KCTD3: variants seen among roughly 807,000 people sequenced by gnomAD.
KCTD3 encodes the protein potassium channel tetramerization domain containing 3, also known as BTB/POZ domain-containing protein KCTD3.
Under a neutral mutation model 85.8 loss-of-function variants are expected in KCTD3, and 41 were observed. The observed-to-expected ratio is 0.48, with a 90% CI of 0.37 to 0.62. The LOEUF (loss-of-function observed/expected upper bound fraction) is 0.62. Ranked by LOEUF, KCTD3 falls within the 20% of genes least tolerant of loss-of-function variation. The pLI, the probability that KCTD3 is intolerant of heterozygous loss-of-function variation, is 0.00. For synonymous variants in KCTD3, 338 were observed against 345.4 expected (o/e 0.98, Z 0.24); for missense variants, 724 against 989.9 (o/e 0.73, Z 3.60).
At chr1:215,586,386 G>GTTTTTTTTT in intron 8 of KCTD3, 109 bp from the exon 9 acceptor site, 1 of 820,766 alleles carries the variant, frequency 1.2e-6, no homozygotes, top group Non-Finnish European at 1.9e-6. Flanking sequence ...TAACTGTTTA[G>GTTTTTTTTT]TTTTTTTTTT....
intron 15 of KCTD3, among the ~76,000 whole-genome samples, chr1:215,616,961 C>T (rs1214100611): frequency 6.6e-6 from 1 of 152,170 alleles, no homozygotes; most frequent in Non-Finnish European, 1.5e-5. Flanking sequence ...TCAGCCCCAC[C>T]CAGCAACCTT....
intron 15 of KCTD3, chr1:215,618,245 G>A: frequency 2.8e-6 from 1 of 360,970 alleles, no homozygotes; most frequent in Non-Finnish European, 6.0e-6. Flanking sequence ...CAAACCTTGA[G>A]CTCAAGAATG....
chr1:215,617,231 C>T (rs1571903168), intron 15 of KCTD3, among the ~76,000 whole-genome samples: 1 of 152,096 alleles, frequency 6.6e-6, no homozygotes, highest in Non-Finnish European at 1.5e-5. Flanking sequence ...TGCGAGCTTT[C>T]CTTTGAATTC....
chr1:215,584,405 T>C (rs1453160464), intron 8 of KCTD3, among the ~76,000 whole-genome samples: 1 of 152,246 alleles, frequency 6.6e-6, no homozygotes, highest in African/African-American at 2.4e-5. Flanking sequence ...TTAGTTCCTA[T>C]ATAGGCTCTT....
intron 6 of KCTD3, among the ~76,000 whole-genome samples, chr1:215,578,666 A>G (rs914629560): frequency 1.3e-5 from 2 of 152,198 alleles, no homozygotes; most frequent in Non-Finnish European, 2.9e-5. Context: ...AAATTATTAC[A>G]TAGTACCTAA....
chr1:215,588,203 A>G (rs1339635672), intron 9 of KCTD3, among the ~76,000 whole-genome samples: 1 of 152,098 alleles, frequency 6.6e-6, no homozygotes, highest in Admixed American at 6.5e-5. Context: ...GTACTTAATG[A>G]ACAGAGCAGC....
chr1:215,619,973 T>A, intron 17 of KCTD3, 84 bp from the exon 18 acceptor site: 1 of 940,922 alleles, frequency 1.1e-6, no homozygotes, highest in Non-Finnish European at 1.6e-6. Flanking sequence ...TTATATAGTG[T>A]GTTTTATTGG....
chr1:215,569,593 C>CTT (rs754210465), intron 1 of KCTD3, among the ~76,000 whole-genome samples: 140 of 130,512 alleles, frequency 1.1e-3, no homozygotes, highest in African/African-American at 3.0e-3. Flanking sequence ...GGCACTGTAA[C>CTT]TTTTTTTTTT....
chr1:215,572,970 T>G (rs749553653), intron 1 of KCTD3, among the ~76,000 whole-genome samples: 2 of 152,242 alleles, frequency 1.3e-5, no homozygotes, highest in Non-Finnish European at 2.9e-5. Context: ...GAACAAGTAC[T>G]ATATTGCTTT....
intron 9 of KCTD3, among the ~76,000 whole-genome samples, chr1:215,587,974 A>G (rs960746708): frequency 1.3e-5 from 2 of 152,220 alleles, no homozygotes; most frequent in African/African-American, 4.8e-5. Flanking sequence ...ATTCATTGGT[A>G]TCCCTGCTGA....
intron 10 of KCTD3, among the ~76,000 whole-genome samples, chr1:215,601,201 T>G (rs1463383238): frequency 6.6e-6 from 1 of 152,230 alleles, no homozygotes; most frequent in Non-Finnish European, 1.5e-5. Context: ...CAGGTTTCTT[T>G]TAGCACAAAT....
intron 1 of KCTD3, among the ~76,000 whole-genome samples, chr1:215,571,930 C>A (rs777398423): frequency 6.6e-6 from 1 of 152,108 alleles, no homozygotes; most frequent in Admixed American, 6.6e-5. Flanking sequence ...CGCGCCTAGC[C>A]GAGATAAACT....
intron 3 of KCTD3, among the ~76,000 whole-genome samples, chr1:215,574,670 T>TATATCC (rs1479368683): frequency 1.4e-4 from 21 of 152,174 alleles, no homozygotes; most frequent in African/African-American, 4.8e-4. Flanking sequence ...CAAATGCAGA[T>TATATCC]ATGTCCATGT....
intron 1 of KCTD3, among the ~76,000 whole-genome samples, chr1:215,570,465 C>G: frequency 6.6e-6 from 1 of 152,132 alleles, no homozygotes; most frequent in East Asian, 1.9e-4. Flanking sequence ...GGGCCTCATG[C>G]AAGAGGGCTG....
At chr1:215,603,198 T>G (rs1654898364) in intron 12 of KCTD3, among the ~76,000 whole-genome samples, 1 of 152,172 alleles carries the variant, frequency 6.6e-6, no homozygotes, top group African/African-American at 2.4e-5. Flanking sequence ...TGGGAAAGTT[T>G]TACAAATCAA....
intron 6 of KCTD3, among the ~76,000 whole-genome samples, chr1:215,578,747 C>T (rs898207643): frequency 2.6e-5 from 4 of 151,808 alleles, no homozygotes; most frequent in African/African-American, 7.3e-5. Context: ...AATTCAGTAA[C>T]CTAAAGCTTA....
In KCTD3 at chr1:215,619,264, A is replaced by C. The variant is rs1268053734; in HGVS notation, c.1859A>C (p.His620Pro). 1 of 1,613,720 alleles carries C rather than the reference A, an allele frequency of 6.2e-7. No individual in the cohort carries two copies. Among genetic ancestry groups the C allele is most frequent in the African/African-American group, 1.3e-5 (1 of 74,942 alleles). ...AGTCCAGCAACTTCCGTAGTTCAGC[A>C]TAGCCACTTACGAGAATCAAATTCT... Reference protein sequence around the residue: ...NISPATSVVQHSHLRESNSSL... With the variant: ...NISPATSVVQPSHLRESNSSL... The change falls in exon 17 of 18, where the codon CAT becomes CCT. Residue 620 changes from histidine to proline, a missense_variant. His to Pro is a moderately conservative substitution (Grantham distance 77, BLOSUM62 -2). Coordinates refer to ENST00000259154, the MANE Select transcript of KCTD3 (RefSeq NM_016121.5).
intron 8 of KCTD3, among the ~76,000 whole-genome samples, chr1:215,584,608 C>T (rs1659942020): frequency 6.6e-6 from 1 of 152,132 alleles, no homozygotes; most frequent in African/African-American, 2.4e-5. Context: ...TTACTTACCC[C>T]AGACAGGTCA....
At chr1:215,615,346 C>T (rs1462091922) in intron 15 of KCTD3, among the ~76,000 whole-genome samples, 1 of 152,006 alleles carries the variant, frequency 6.6e-6, no homozygotes, top group African/African-American at 2.4e-5. Flanking sequence ...CCCGGCCGGG[C>T]GTGGTGGCTC....
Sources: gnomAD v4.1 joint callset for allele counts (sites outside exome capture counted in the v4.1 genomes callset) on GRCh38, gnomAD v4.1.1 for gene constraint, MANE v1.5 for transcripts, NCBI Gene and HGNC (gene_info 2026-07-23, HGNC 2026-07-21) for gene names.